Variants in FAM78B observed in about 807,000 individuals in gnomAD.
FAM78B encodes protein FAM78B.
Under a neutral mutation model 20.0 loss-of-function variants are expected in FAM78B, and 10 were observed. The observed-to-expected ratio is 0.50, with a 90% confidence interval of 0.31 to 0.85. The LOEUF (loss-of-function observed/expected upper bound fraction) is 0.85, where lower values mean the gene tolerates loss of function less well. Among genes scored for constraint, FAM78B ranks in the 40% least tolerant of loss-of-function variants. FAM78B has a pLI of 0.05. For missense variants in FAM78B, 283 were observed against 345.0 expected, an observed-to-expected ratio of 0.82 and a Z score of 1.42; for synonymous variants, 135 against 132.8, an observed-to-expected ratio of 1.02 and a Z score of -0.12.
At position 166,166,890 on chromosome 1, in the gene FAM78B, G is replaced by C. The variant is rs1656425025; in HGVS notation, c.-642C>G. The C allele has an allele frequency of 6.6e-6, 1 of 151,972 alleles. No individual in the cohort carries two copies. The allele number at this position is 151,972 out of a possible 1,614,324, so 9.4% of individuals were successfully genotyped here. ...AGCCGGACCACACCGACACTCCTCGGCCCGGCTGCCTCGGCCCGGGGGGCG... is the reference window on the plus strand; with the variant it reads ...AGCCGGACCACACCGACACTCCTCGCCCCGGCTGCCTCGGCCCGGGGGGCG... On this transcript the variant is annotated 5_prime_UTR_variant, in exon 1 of 2. Coordinates refer to ENST00000354422, the MANE Select transcript of FAM78B (RefSeq NM_001017961.5).
chr1:166,164,502 G>C (rs935357495), intron 1 of FAM78B, among the ~76,000 whole-genome samples: 1 of 152,206 alleles, frequency 6.6e-6, no homozygotes, highest in African/African-American at 2.4e-5. Context: ...GTCTTCTCTG[G>C]AAGAATACAG....
intron 1 of FAM78B, among the ~76,000 whole-genome samples, chr1:166,158,290 A>G (rs1419984606): frequency 6.6e-6 from 1 of 152,132 alleles, no homozygotes; most frequent in Non-Finnish European, 1.5e-5. Context: ...GTGCCACTGC[A>G]CTCCAGCCTG....
At position 166,069,928 on chromosome 1, in the gene FAM78B, A is replaced by C; in HGVS notation, c.*313T>G. 9.7e-7 allele frequency: 1 copy of C among 1,027,208 alleles called. No individual in the cohort carries two copies. Among genetic ancestry groups the C allele is most frequent in the East Asian group, 6.8e-5 (1 of 14,796 alleles). The allele number at this position is 1,027,208 out of a possible 1,614,324, so 63.6% of individuals were successfully genotyped here. ...ATTTCGTTTCCATCCCCTGCATCTC[A>C]CAGGAAAGAAATGGTCAATAGTTCA... On this transcript the variant is annotated 3_prime_UTR_variant, in exon 2 of 2. Transcript: ENST00000354422.
intron 1 of FAM78B, among the ~76,000 whole-genome samples, chr1:166,155,338 T>C (rs1286442765): frequency 1.3e-5 from 2 of 152,242 alleles, no homozygotes; most frequent in Non-Finnish European, 2.9e-5. Flanking sequence ...ACTACTTAGC[T>C]GAGTAATGCT....
intron 1 of FAM78B, among the ~76,000 whole-genome samples, chr1:166,136,872 G>A (rs1655084651): frequency 6.6e-6 from 1 of 152,190 alleles, no homozygotes; most frequent in Non-Finnish European, 1.5e-5. Flanking sequence ...AAGTTGCTGT[G>A]TGTTAGCATA....
At chr1:166,069,057 G>A (rs1381642594), downstream of FAM78B, among the ~76,000 whole-genome samples, 3 of 152,152 alleles carry the variant, frequency 2.0e-5, no homozygotes, top group Non-Finnish European at 2.9e-5. Flanking sequence ...TAAGCCTTAG[G>A]AAGTAGTTTC....
downstream of FAM78B, among the ~76,000 whole-genome samples, chr1:166,068,604 T>C (rs950957387): frequency 7.9e-5 from 12 of 152,256 alleles, no homozygotes; most frequent in Non-Finnish European, 5.9e-5. Flanking sequence ...TGCTGCTTTT[T>C]ATTCTCTATC....
chr1:166,137,138 G>A (rs1655096355), intron 1 of FAM78B, among the ~76,000 whole-genome samples: 1 of 152,204 alleles, frequency 6.6e-6, no homozygotes, highest in Non-Finnish European at 1.5e-5. Flanking sequence ...TCTATGCCCA[G>A]AATGCTAGAC....
chr1:166,141,470 T>C (rs1286263415), intron 1 of FAM78B, among the ~76,000 whole-genome samples: 6 of 152,254 alleles, frequency 3.9e-5, no homozygotes, highest in Non-Finnish European at 8.8e-5. Context: ...TCACATAGTT[T>C]TGAAACTCCT....
intron 1 of FAM78B, among the ~76,000 whole-genome samples, chr1:166,099,099 CT>C (rs1653399770): frequency 6.6e-6 from 1 of 152,140 alleles, no homozygotes; most frequent in African/African-American, 2.4e-5. Context: ...CTTTAGCCTC[CT>C]CTAACAAAAC....
chr1:166,084,465 T>C (rs576426485), intron 1 of FAM78B, among the ~76,000 whole-genome samples: 1 of 152,336 alleles, frequency 6.6e-6, no homozygotes, highest in South Asian at 2.1e-4. Context: ...GTCCAGCTCC[T>C]ATAATCTCTG....
chr1:166,082,364 G>A (rs1652616334), intron 1 of FAM78B, among the ~76,000 whole-genome samples: 1 of 152,088 alleles, frequency 6.6e-6, no homozygotes, highest in Admixed American at 6.5e-5. Context: ...TTTACAACCT[G>A]GACTCCTTTT....
In FAM78B at chr1:166,079,807, C is replaced by T. The variant is rs75882109; in HGVS notation, c.264-9044G>A. Reference sequence around the variant, plus strand: ...AACTTATAAATACTGAGAAATATGGCACCCTGGCCTTTGTATTCATACTCC... The same window carrying T: ...AACTTATAAATACTGAGAAATATGGTACCCTGGCCTTTGTATTCATACTCC... On this transcript the variant is annotated intron_variant, in intron 1 of 1. Transcript: ENST00000354422. Among the ~76,000 whole-genome samples the T allele has an allele frequency of 2.3e-3, 345 of 152,284 alleles. 8 individuals are homozygous for T. In the East Asian group the frequency reaches 0.061, roughly 27 times the overall value.
At chr1:166,081,722 C>A (rs912141663) in intron 1 of FAM78B, among the ~76,000 whole-genome samples, 2 of 152,100 alleles carry the variant, frequency 1.3e-5, no homozygotes, top group African/African-American at 2.4e-5. Flanking sequence ...CCTGCTTATG[C>A]CAGGCTCTGG....
Position 166,082,044 on chromosome 1 carries a change from T to A in FAM78B, c.264-11281A>T, listed in dbSNP as rs553669940. Among the ~76,000 whole-genome samples, 17 of 152,328 alleles carry A rather than the reference T, an allele frequency of 1.1e-4. No homozygotes were observed. The East Asian group carries it at 2.7e-3, about 24-fold the overall frequency. On this transcript the variant is annotated intron_variant, in intron 1 of 1. Coordinates refer to ENST00000354422, the MANE Select transcript of FAM78B (RefSeq NM_001017961.5). ...GGGACCATGCAGGTCCTCTCCTCAC[T>A]GGGACACTGCTTCCAAGCTTGTGCT...
chr1:166,141,337 T>C (rs911705297), intron 1 of FAM78B, among the ~76,000 whole-genome samples: 6 of 152,202 alleles, frequency 3.9e-5, no homozygotes, highest in Non-Finnish European at 5.9e-5. Flanking sequence ...TTTGGGGACA[T>C]AGAAATCTAA....
intron 1 of FAM78B, among the ~76,000 whole-genome samples, chr1:166,073,098 GCTAT>G (rs1557888632): frequency 6.6e-6 from 1 of 152,176 alleles, no homozygotes; most frequent in African/African-American, 2.4e-5. Flanking sequence ...CACTCTTGTG[GCTAT>G]CTCAGGAGGG....
chr1:166,109,890 GTA>G (rs1200752162), intron 1 of FAM78B, among the ~76,000 whole-genome samples: 4,409 of 22,868 alleles, frequency 0.19, 1,002 homozygotes, highest in East Asian at 0.43. Context: ...ATGTATATAT[GTA>G]TATATATATA....
At chr1:166,138,676 G>C (rs1208781053) in intron 1 of FAM78B, among the ~76,000 whole-genome samples, 3 of 152,188 alleles carry the variant, frequency 2.0e-5, no homozygotes, top group African/African-American at 7.2e-5. Flanking sequence ...TGAACACAAA[G>C]AGCTCAATAG....
Sources: allele counts gnomAD v4.1 joint callset (sites outside exome capture counted in the v4.1 genomes callset), GRCh38; gene constraint gnomAD v4.1.1; transcripts MANE v1.5; gene names NCBI Gene and HGNC (gene_info 2026-07-23, HGNC 2026-07-21).